The following GPHN variants were observed in gnomAD, a reference collection of about 807,000 sequenced individuals.
The protein encoded by GPHN is gephyrin.
Under a neutral mutation model 95.5 loss-of-function variants are expected in GPHN, and 17 were observed. The ratio of observed to expected loss-of-function variants is 0.18; its 90% CI spans 0.12 to 0.27. The LOEUF is 0.27. GPHN is among the 10% of genes least tolerant of loss of function. GPHN has a pLI of 1.00. For missense variants in GPHN, 660 were observed against 978.1 expected (o/e 0.67, Z 4.34); for synonymous variants, 320 against 322.5 (o/e 0.99, Z 0.08).
chr14:66,569,825 AAT>A (rs1404100204), intron 1 of GPHN, among the ~76,000 whole-genome samples: 78 of 152,106 alleles, frequency 5.1e-4, no homozygotes, highest in Non-Finnish European at 5.0e-4. Flanking sequence ...ATCTGTTAGC[AAT>A]TTGAAGTGTA....
chr14:67,603,530 C>G, the GPHN span, among the ~76,000 whole-genome samples: 1 of 152,182 alleles, frequency 6.6e-6, no homozygotes, highest in Non-Finnish European at 1.5e-5. Flanking sequence ...CTCTGTTACT[C>G]AGGCTGCAGT....
the GPHN span, among the ~76,000 whole-genome samples, chr14:67,243,171 A>T: frequency 6.6e-6 from 1 of 152,008 alleles, no homozygotes; most frequent in Non-Finnish European, 1.5e-5. Context: ...ATATGTGCTT[A>T]TATAGAATAT....
chr14:67,467,507 T>C, the GPHN span, among the ~76,000 whole-genome samples: 2 of 152,104 alleles, frequency 1.3e-5, no homozygotes, highest in African/African-American at 2.4e-5. Context: ...TCAGCATTGG[T>C]AGAGGCCACA....
At chr14:67,312,441 T>G in the GPHN span, 1 of 972,698 alleles carries the variant, frequency 1.0e-6, no homozygotes, top group Admixed American at 3.1e-5. Context: ...TAAAAAATAA[T>G]AAAAAATTTG....
intron 8 of GPHN, among the ~76,000 whole-genome samples, chr14:66,946,273 GA>G (rs1428021483): frequency 2.0e-5 from 3 of 152,036 alleles, no homozygotes; most frequent in African/African-American, 7.2e-5. Context: ...ATATAGGAGA[GA>G]AAATTAATCT....
chr14:66,679,602 A>G (rs954036272), intron 1 of GPHN, among the ~76,000 whole-genome samples: 16 of 152,058 alleles, frequency 1.1e-4, no homozygotes, highest in Non-Finnish European at 2.4e-4. Flanking sequence ...TAATTCCCAC[A>G]TATCTCTTAT....
chr14:67,585,821 A>G, the GPHN span: 1 of 1,094,214 alleles, frequency 9.1e-7, no homozygotes, highest in Admixed American at 2.1e-5. Context: ...GATATTCAAG[A>G]TGGAGATCTC....
chr14:66,648,581 A>G (rs1200736046), intron 1 of GPHN, among the ~76,000 whole-genome samples: 1 of 152,172 alleles, frequency 6.6e-6, no homozygotes, highest in African/African-American at 2.4e-5. Flanking sequence ...TTTGTAGCCT[A>G]GGATCAATAG....
At chr14:66,530,533 G>A (rs925269880) in intron 1 of GPHN, among the ~76,000 whole-genome samples, 1 of 152,062 alleles carries the variant, frequency 6.6e-6, no homozygotes, top group African/African-American at 2.4e-5. Flanking sequence ...CAGCTAGCTC[G>A]CTGTCTGTCC....
At chr14:67,141,449 T>C (rs1051612483) in intron 17 of GPHN, among the ~76,000 whole-genome samples, 24 of 152,230 alleles carry the variant, frequency 1.6e-4, no homozygotes, top group African/African-American at 5.3e-4. Context: ...CTTGTTAACA[T>C]AGCAGCAATA....
rs544546772 is a variant in GPHN at position 66,590,402 on chromosome 14, C to T, written c.64+81811C>T. On this transcript the variant is annotated intron_variant, in intron 1 of 22. Coordinates refer to ENST00000478722, the MANE Select transcript of GPHN (RefSeq NM_020806.5). ...TTTTGAAAAGATTAACAAAATAGATCGAAAGCCAGACTAATAAAGAAGAAA... is the reference window on the plus strand; with the variant it reads ...TTTTGAAAAGATTAACAAAATAGATTGAAAGCCAGACTAATAAAGAAGAAA... Among the ~76,000 whole-genome samples the T allele has an allele frequency of 3.9e-3, 599 of 151,896 alleles. 5 individuals are homozygous for T. The highest frequency in any genetic ancestry group is 0.014 in the African/African-American group (567 of 41,412).
At chr14:67,107,205 C>T (rs554211898) in intron 13 of GPHN, among the ~76,000 whole-genome samples, 81 of 152,210 alleles carry the variant, frequency 5.3e-4, no homozygotes, top group Middle Eastern at 3.4e-3. Context: ...TTGTTTTCCA[C>T]ACAATAGGGA....
chr14:66,626,717 C>T (rs2063542162), intron 1 of GPHN, among the ~76,000 whole-genome samples: 1 of 151,848 alleles, frequency 6.6e-6, no homozygotes, highest in South Asian at 2.1e-4. Flanking sequence ...AATGCCATAC[C>T]ATAAGATTTT....
chr14:67,206,718 G>T, the GPHN span, among the ~76,000 whole-genome samples: 3 of 151,818 alleles, frequency 2.0e-5, no homozygotes, highest in Admixed American at 2.0e-4. Context: ...CATCAAACAA[G>T]CAATAATTTA....
At chr14:67,308,767 T>C in the GPHN span, among the ~76,000 whole-genome samples, 1 of 152,046 alleles carries the variant, frequency 6.6e-6, no homozygotes. Context: ...TTAAAAAACA[T>C]TGAACATGTC....
chr14:67,280,955 G>T, the GPHN span, among the ~76,000 whole-genome samples: 5 of 149,498 alleles, frequency 3.3e-5, no homozygotes, highest in Admixed American at 3.3e-4. Flanking sequence ...GGAGTGCAGT[G>T]GTGCAATCTT....
chr14:66,791,404 A>G (rs1287666301), intron 3 of GPHN, among the ~76,000 whole-genome samples: 1 of 152,262 alleles, frequency 6.6e-6, no homozygotes, highest in Non-Finnish European at 1.5e-5. Context: ...TTAGATAAAT[A>G]AATAAATAAA....
At chr14:67,452,248 G>A in the GPHN span, among the ~76,000 whole-genome samples, 22 of 151,354 alleles carry the variant, frequency 1.5e-4, no homozygotes, top group East Asian at 3.9e-4. Flanking sequence ...ATTTGAACCC[G>A]GAAGGCAGAG....
chr14:66,929,054 CTTTT>C (rs147521541), intron 8 of GPHN, among the ~76,000 whole-genome samples: 4 of 122,782 alleles, frequency 3.3e-5, no homozygotes, highest in Admixed American at 2.4e-4. Context: ...TCCAATGTTT[CTTTT>C]TTTTTTTTTT....
Sources: gnomAD v4.1 joint callset for allele counts (sites outside exome capture counted in the v4.1 genomes callset) on GRCh38, gnomAD v4.1.1 for gene constraint, MANE v1.5 for transcripts, NCBI Gene and HGNC (gene_info 2026-07-23, HGNC 2026-07-21) for gene names.